CNOT9: variants seen among roughly 807,000 people sequenced by gnomAD.
CNOT9 encodes RCD1 required for cell differentiation1 homolog.
A neutral mutation model predicts 37.4 loss-of-function variants in CNOT9; 8 were observed. That is an observed-to-expected ratio of 0.21 (90% CI 0.13 to 0.39). The LOEUF (loss-of-function observed/expected upper bound fraction) is 0.39, where lower values mean the gene tolerates loss of function less well. CNOT9 is among the 10% of genes least tolerant of loss of function. CNOT9 has a pLI of 1.00. For missense variants in CNOT9, 154 were observed against 365.3 expected (o/e 0.42, Z 4.71); for synonymous variants, 120 against 137.6 (o/e 0.87, Z 0.90).
chr2:218,581,117 A>G (rs1694358067), intron 2 of CNOT9: 1 of 385,716 alleles, frequency 2.6e-6, no homozygotes, highest in Non-Finnish European at 5.2e-6. Context: ...ACCACAAGGT[A>G]CAATATATTC....
At chr2:218,574,069 A>G (rs1299645406) in intron 1 of CNOT9, 1 of 428,582 alleles carries the variant, frequency 2.3e-6, no homozygotes, top group Admixed American at 2.5e-5. Context: ...TTCTGGGTTC[A>G]GTCGATTCTC....
chr2:218,579,982 CTT>C (rs35938584), intron 1 of CNOT9, among the ~76,000 whole-genome samples: 24 of 115,300 alleles, frequency 2.1e-4, no homozygotes, highest in Non-Finnish European at 1.3e-4. Context: ...CCACACCTGG[CTT>C]TTTTTTTTTT....
At chr2:218,577,875 C>G (rs1694226736) in intron 1 of CNOT9, among the ~76,000 whole-genome samples, 1 of 152,130 alleles carries the variant, frequency 6.6e-6, no homozygotes. Context: ...ATCTGTGAGG[C>G]CCCCTTTGGT....
In CNOT9 at chr2:218,580,735, T is replaced by C. The variant is rs1356437727; in HGVS notation, c.199T>C (p.Leu67=). 2.5e-6 allele frequency: 4 copies of C among 1,613,198 alleles called. No homozygotes were observed. Among genetic ancestry groups the C allele is most frequent in the Middle Eastern group, 1.7e-4 (1 of 6,060 alleles). The part of the protein sequence containing the change: ...WHSFGTIAAL[L]QEIVNIYPSI... ...TTCATTTGGTACTATTGCAGCACTT[T>C]TACAGGTGGGTTCATGTCCATGATT... The change falls in exon 2 of 8, where the codon TTA becomes CTA. Residue 67 remains leucine (L), a synonymous_variant. Transcript: ENST00000273064.
chr2:218,583,231 GTGTCTCTCTCTCTCTCTC>G (rs1694473286), intron 3 of CNOT9, 145 bp downstream of exon 3: 29 of 35,064 alleles, frequency 8.3e-4, no homozygotes, highest in East Asian at 1.2e-3. Flanking sequence ...GTGTGTGTGT[GTGTCTCTCTCTCTCTCTC>G]TCTCTCTCTC....
Position 218,568,894 on chromosome 2 carries a change from T to C in CNOT9, c.-61T>C. The C allele has an allele frequency of 1.9e-6, 3 of 1,579,520 alleles. No individual in the cohort carries two copies. Among genetic ancestry groups the C allele is most frequent in the Non-Finnish European group, 1.7e-6 (2 of 1,161,006 alleles). ...TCATTGTTTTCCGCTGCAGGGGTGC[T>C]GAAGGGGGGACGCGGGTCGGACGCG... On this transcript the variant is annotated 5_prime_UTR_variant, in exon 1 of 8. It removes the in-frame stop codon of an upstream open reading frame in the 5' UTR. Transcript: ENST00000273064.
chr2:218,592,207 A>G lies in CNOT9; in HGVS notation c.541-97A>G, dbSNP rs1052816285. ...ATATACAAGGATCCCTGCTTGCTCA[A>G]TTTTCTGACTGATAGTCATGCCTGG... On this transcript the variant is annotated intron_variant, in intron 5 of 7. Transcript: ENST00000273064. This position sits in a 1 kb window ranked among gnomAD's most constrained non-coding sequence, Gnocchi z 4.1. The G allele has an allele frequency of 1.8e-4, 156 of 857,744 alleles. No homozygotes were observed. In the African/African-American group the frequency reaches 2.1e-3, roughly 12 times the overall value. 53.1% of individuals were successfully genotyped at this position (857,744 alleles called of 1,614,324 possible).
chr2:218,577,784 A>G (rs1694223534), intron 1 of CNOT9, among the ~76,000 whole-genome samples: 1 of 152,216 alleles, frequency 6.6e-6, no homozygotes, highest in Non-Finnish European at 1.5e-5. Context: ...TGATGGTGGT[A>G]TCTGTATGAC....
intron 1 of CNOT9, among the ~76,000 whole-genome samples, chr2:218,571,154 C>T (rs753157462): frequency 2.6e-5 from 4 of 152,226 alleles, no homozygotes; most frequent in Non-Finnish European, 5.9e-5. Context: ...TGAGAAGATG[C>T]TTACTTTCTG....
chr2:218,573,828 A>T (rs1020906272), intron 1 of CNOT9: 1 of 253,448 alleles, frequency 3.9e-6, no homozygotes, highest in Non-Finnish European at 8.0e-6. Flanking sequence ...TTTCTTGGGG[A>T]AAAAAGGTGT....
chr2:218,595,598 TC>T lies in CNOT9; in HGVS notation c.*1326del, dbSNP rs1694908269. ...AACTGCCTTGCTTTCCCCGGTTCTTTCCCCTGCTAGCACCTGCTTTCTCATC... is the reference window on the plus strand; with the variant it reads ...AACTGCCTTGCTTTCCCCGGTTCTTTCCCTGCTAGCACCTGCTTTCTCATC... On this transcript the variant is annotated 3_prime_UTR_variant, in exon 8 of 8. Coordinates refer to ENST00000273064, the MANE Select transcript of CNOT9 (RefSeq NM_005444.3). 1 of 151,778 alleles carries T rather than the reference TC, an allele frequency of 6.6e-6. No individual in the cohort carries two copies. The highest frequency in any genetic ancestry group is 1.5e-5 in the Non-Finnish European group (1 of 67,948). The allele number at this position is 151,778 out of a possible 1,614,324, so 9.4% of individuals were successfully genotyped here.
At chr2:218,591,135 G>C (rs1271898996) in intron 5 of CNOT9, among the ~76,000 whole-genome samples, 6 of 152,136 alleles carry the variant, frequency 3.9e-5, no homozygotes, top group Admixed American at 3.9e-4. Context: ...TGCAGAGTTT[G>C]GTGATTAGGG....
chr2:218,586,355 A>G (rs1404839310), intron 4 of CNOT9, among the ~76,000 whole-genome samples: 5 of 152,174 alleles, frequency 3.3e-5, no homozygotes, highest in Admixed American at 2.0e-4. Flanking sequence ...TTCTAAGAAG[A>G]GACACCAAAG....
chr2:218,593,585 G>C, intron 7 of CNOT9: 1 of 1,497,968 alleles, frequency 6.7e-7, no homozygotes, highest in Non-Finnish European at 8.9e-7. Flanking sequence ...ACGTTTAAAA[G>C]TTCATCTGAT....
chr2:218,596,634 G>A lies in CNOT9; in HGVS notation c.*2358G>A, dbSNP rs566240477. On this transcript the variant is annotated 3_prime_UTR_variant, in exon 8 of 8. Coordinates refer to ENST00000273064, the MANE Select transcript of CNOT9 (RefSeq NM_005444.3). ...GGGAGACTCCATCTGAGGTACAAAA[G>A]CTGTTTGGGAGGCTGGGAGGGGGAT... The A allele has an allele frequency of 6.6e-6, 1 of 152,298 alleles. No individual in the cohort carries two copies. Among genetic ancestry groups the A allele is most frequent in the South Asian group, 2.1e-4 (1 of 4,824 alleles). The allele number at this position is 152,298 out of a possible 1,614,324, so 9.4% of individuals were successfully genotyped here. A position where few individuals can be genotyped will look rare whatever the true frequency, so the allele number is the denominator to read the frequency against.
Position 218,594,338 on chromosome 2 carries a change from A to T in CNOT9, c.*62A>T, listed in dbSNP as rs994328732. ...GGGAAAGGAGGGGGAACCTACGAGAAAAACAGCTCAGGTTTTATCACCGAC... is the reference window on the plus strand; with the variant it reads ...GGGAAAGGAGGGGGAACCTACGAGATAAACAGCTCAGGTTTTATCACCGAC... On this transcript the variant is annotated 3_prime_UTR_variant, in exon 8 of 8. Transcript: ENST00000273064. 2.7e-5 allele frequency: 41 copies of T among 1,514,260 alleles called. No individual in the cohort carries two copies. The highest frequency in any genetic ancestry group is 4.1e-5 in the Admixed American group (2 of 49,358). 93.8% of individuals were successfully genotyped at this position (1,514,260 alleles called of 1,614,324 possible).
At chr2:218,579,542 A>G (rs1255931055) in intron 1 of CNOT9, among the ~76,000 whole-genome samples, 1 of 152,200 alleles carries the variant, frequency 6.6e-6, no homozygotes, top group Non-Finnish European at 1.5e-5. Context: ...GCTGGAGTGC[A>G]GTGGCGCGAT....
chr2:218,580,412 A>C, intron 1 of CNOT9, 149 bp from the exon 2 acceptor site: 6 of 612,944 alleles, frequency 9.8e-6, no homozygotes, highest in Non-Finnish European at 1.1e-5. Flanking sequence ...TAACTACCAA[A>C]GAGATTGAAT....
chr2:218,593,923 A>T (rs1010076822), intron 7 of CNOT9, 185 bp from the exon 8 acceptor site: 2 of 1,000,500 alleles, frequency 2.0e-6, no homozygotes, highest in Non-Finnish European at 2.8e-6. Flanking sequence ...ATATTTGTGG[A>T]TACAGATTTT....
Sources: gnomAD v4.1 joint callset for allele counts (sites outside exome capture counted in the v4.1 genomes callset) on GRCh38, gnomAD v4.1.1 for gene constraint, Gnocchi (gnomAD v3.1) non-coding constraint, MANE v1.5 for transcripts, NCBI Gene and HGNC (gene_info 2026-07-23, HGNC 2026-07-21) for gene names.